MVB12A: variants seen among roughly 807,000 people sequenced by gnomAD.
MVB12A encodes CIN85/CD2AP family binding protein.
A neutral mutation model predicts 34.3 loss-of-function variants in MVB12A; 30 were observed. The observed-to-expected ratio is 0.88, with a 90% CI of 0.65 to 1.19. The LOEUF (loss-of-function observed/expected upper bound fraction) is 1.19. Among genes scored for constraint, MVB12A ranks in the 50% most tolerant of loss-of-function variants. The probability of loss-of-function intolerance (pLI) is 0.00; values close to 1 mark genes in which losing one functional copy is unlikely to be tolerated. For missense variants in MVB12A, 355 were observed against 369.2 expected (o/e 0.96, Z 0.31); for synonymous variants, 158 against 158.9 (o/e 0.99, Z 0.04).
chr19:17,423,631 C>T lies in MVB12A; in HGVS notation c.533+14C>T, dbSNP rs2074852061. 1.2e-6 allele frequency: 2 copies of T among 1,613,780 alleles called. No homozygotes were observed. Among genetic ancestry groups the T allele is most frequent in the Non-Finnish European group, 1.7e-6 (2 of 1,179,874 alleles). ...CAGCCAGCCAAGGTGAGTCCTCAGGCACCGGAGTGGGGGTGGCCGTTGTGG... is the reference window on the plus strand; with the variant it reads ...CAGCCAGCCAAGGTGAGTCCTCAGGTACCGGAGTGGGGGTGGCCGTTGTGG... On this transcript the variant is annotated intron_variant, in intron 5 of 8. Coordinates refer to ENST00000317040, the MANE Select transcript of MVB12A (RefSeq NM_138401.4).
chr19:17,418,851 A>G (rs2074818083), upstream of MVB12A: 1 of 148,420 alleles, frequency 6.7e-6, no homozygotes, highest in African/African-American at 2.5e-5. Flanking sequence ...AGCCCTGATA[A>G]AATAACTGGG....
At chr19:17,410,885 G>A (rs746755801) in intron 2 of MVB12A, among the ~76,000 whole-genome samples, 3 of 128,032 alleles carry the variant, frequency 2.3e-5, no homozygotes, top group Admixed American at 8.5e-5. Context: ...GTGAGATCGC[G>A]CCACTGCACT....
In MVB12A at chr19:17,423,772, G is replaced by T; in HGVS notation, c.613G>T (p.Glu205Ter). The change falls in exon 6 of 9, where the codon GAG becomes TAG. Residue 205 changes from glutamate (E) to a stop codon, truncating the protein, a stop_gained. Coordinates refer to ENST00000317040, the MANE Select transcript of MVB12A (RefSeq NM_138401.4). LOFTEE classifies it high-confidence loss of function. ...TCTGCGGAGGAATGACTCCATCTAC[G>T]AGGCCTCCAGCCTCTATGGCATCTC... ...STLRRNDSIYEASSLYGISAM... is the reference protein window; with the variant it reads ...STLRRNDSIY The T allele has an allele frequency of 6.2e-7, 1 of 1,613,974 alleles. No homozygotes were observed. Among genetic ancestry groups the T allele is most frequent in the Non-Finnish European group, 8.5e-7 (1 of 1,179,914 alleles).
At position 17,420,534 on chromosome 19, in the gene MVB12A, C is replaced by T. The variant is rs1344313188; in HGVS notation, c.190-4C>T. ...CCCTCGCCGTGTCCCCCTTCCACCCCCAGAACCCGCAGGAGAACGTGGTGG... is the reference window on the plus strand; with the variant it reads ...CCCTCGCCGTGTCCCCCTTCCACCCTCAGAACCCGCAGGAGAACGTGGTGG... On this transcript the variant is annotated splice_region_variant and splice_polypyrimidine_tract_variant and intron_variant, in intron 2 of 8. Coordinates refer to ENST00000317040, the MANE Select transcript of MVB12A (RefSeq NM_138401.4). 1.2e-6 allele frequency: 2 copies of T among 1,612,888 alleles called. No homozygotes were observed. Among genetic ancestry groups the T allele is most frequent in the Non-Finnish European group, 1.7e-6 (2 of 1,178,898 alleles).
upstream of MVB12A, chr19:17,417,024 C>T: frequency 2.7e-6 from 1 of 371,804 alleles, no homozygotes. Context: ...TGTCCTCCTC[C>T]TCTTCTTTCT....
At chr19:17,408,005 T>G (rs763348931) in intron 2 of MVB12A, among the ~76,000 whole-genome samples, 2 of 152,248 alleles carry the variant, frequency 1.3e-5, no homozygotes, top group African/African-American at 2.4e-5. Flanking sequence ...TGGTCACACC[T>G]CACTATGTCC....
exon 2 of MVB12A, chr19:17,406,237 A>C (rs2074727788): frequency 6.6e-6 from 1 of 152,020 alleles, no homozygotes; most frequent in South Asian, 2.1e-4. Flanking sequence ...CTGTCTTGGC[A>C]CCTGCAGGAA....
intron 2 of MVB12A, among the ~76,000 whole-genome samples, chr19:17,409,441 CTTTTTTTTTTTTTT>C (rs781196057): frequency 1.3e-5 from 1 of 78,226 alleles, no homozygotes; most frequent in Non-Finnish European, 2.4e-5. Context: ...TCTGCCATTA[CTTTTTTTTTTTTTT>C]TTTTTTTTTT....
Position 17,420,323 on chromosome 19 carries a change from C to T in MVB12A, c.101C>T (p.Thr34Ile), listed in dbSNP as rs2074829777. ...PPRGFSAISCTVEGAPASFGK... is the reference protein window; with the variant it reads ...PPRGFSAISCIVEGAPASFGK... ...GCGTCCTCCCGGTAGATCTCCTGCACCGTCGAGGGGGCACCCGCCAGCTTT... is the reference window on the plus strand; with the variant it reads ...GCGTCCTCCCGGTAGATCTCCTGCATCGTCGAGGGGGCACCCGCCAGCTTT... The change falls in exon 2 of 9, where the codon ACC (threonine) becomes ATC (isoleucine). Residue 34 changes from threonine to isoleucine, a missense_variant. Coordinates refer to ENST00000317040, the MANE Select transcript of MVB12A (RefSeq NM_138401.4). 2 of 1,609,994 alleles carry T rather than the reference C, an allele frequency of 1.2e-6. No individual in the cohort carries two copies. Among genetic ancestry groups the T allele is most frequent in the South Asian group, 2.2e-5 (2 of 90,876 alleles).
chr19:17,417,041 T>A, upstream of MVB12A: 1 of 397,766 alleles, frequency 2.5e-6, no homozygotes, highest in Non-Finnish European at 5.0e-6. Flanking sequence ...TTCTTCATCT[T>A]CCTCTTCCAC....
intron 3 of MVB12A, 182 bp from the exon 4 acceptor site, chr19:17,422,150 C>A: frequency 2.0e-6 from 1 of 494,846 alleles, no homozygotes; most frequent in Non-Finnish European, 3.6e-6. Context: ...CTAAAGGCTG[C>A]ATGGAATCCC....
upstream of MVB12A, chr19:17,418,407 T>TATTATTATTATG (rs927169937): frequency 1.3e-5 from 2 of 148,864 alleles, no homozygotes; most frequent in African/African-American, 4.9e-5. Flanking sequence ...TTATTATTAT[T>TATTATTATTATG]ATTGAGACGA....
At chr19:17,415,120 T>C (rs983040659), upstream of MVB12A, 12 of 148,932 alleles carry the variant, frequency 8.1e-5, no homozygotes, top group Non-Finnish European at 6.0e-5. Flanking sequence ...CTGACCTTGT[T>C]TTTTTACTAA....
At chr19:17,410,689 G>C (rs1341190008) in intron 2 of MVB12A, among the ~76,000 whole-genome samples, 1 of 146,688 alleles carries the variant, frequency 6.8e-6, no homozygotes, top group Admixed American at 6.9e-5. Context: ...CAGCACTTTG[G>C]AGGCTGAGGC....
intron 1 of MVB12A, chr19:17,405,817 C>T (rs73921425): frequency 0.015 from 6,497 of 444,622 alleles, 335 homozygotes; most frequent in African/African-American, 0.12. Context: ...GGGCCCTTCC[C>T]AGCTGGGTGC....
intron 3 of MVB12A, among the ~76,000 whole-genome samples, chr19:17,421,341 C>A (rs8100705): frequency 6.6e-6 from 1 of 151,740 alleles, no homozygotes; most frequent in Non-Finnish European, 1.5e-5. Context: ...TGCGCCACCA[C>A]GCCTGGCTAA....
chr19:17,420,014 C>CG (rs1555735861), upstream of MVB12A: 8,716 of 353,062 alleles, frequency 0.025, 373 homozygotes, highest in Admixed American at 0.086. Flanking sequence ...GGGCAATCTC[C>CG]GCCCCCCCCC....
intron 2 of MVB12A, among the ~76,000 whole-genome samples, chr19:17,410,525 T>TACACACACACACACACACACACAC (rs1390922508): frequency 5.3e-5 from 4 of 75,166 alleles, no homozygotes; most frequent in African/African-American, 2.6e-4. Context: ...TATATATATA[T>TACACACACACACACACACACACAC]ATATACACAC....
chr19:17,408,778 T>C (rs891779695), intron 2 of MVB12A, among the ~76,000 whole-genome samples: 1 of 150,264 alleles, frequency 6.7e-6, no homozygotes, highest in Non-Finnish European at 1.5e-5. Flanking sequence ...AAATATATAA[T>C]GTATTTTTAT....
Sources: allele counts gnomAD v4.1 joint callset (sites outside exome capture counted in the v4.1 genomes callset), GRCh38; gene constraint gnomAD v4.1.1; transcripts MANE v1.5; gene names NCBI Gene and HGNC (gene_info 2026-07-23, HGNC 2026-07-21).